TAF4B: variants seen among roughly 807,000 people sequenced by gnomAD.
TAF4B encodes the protein transcription initiation factor TFIID subunit 4B.
TAF4B carries 38 observed loss-of-function variants against 86.4 expected under a neutral mutation model. The ratio of observed to expected loss-of-function variants is 0.44; its 90% CI spans 0.34 to 0.58. The LOEUF (loss-of-function observed/expected upper bound fraction) is 0.58. Ranked by LOEUF, TAF4B falls within the 20% of genes least tolerant of loss-of-function variation. The pLI is 0.02. For synonymous variants in TAF4B, 388 were observed against 391.2 expected, an observed-to-expected ratio of 0.99 and a Z score of 0.10; for missense variants, 988 against 1,027.6, an observed-to-expected ratio of 0.96 and a Z score of 0.53.
At chr18:26,240,024 T>C (rs539970214) in intron 1 of TAF4B, among the ~76,000 whole-genome samples, 32 of 152,362 alleles carry the variant, frequency 2.1e-4, no homozygotes, top group Non-Finnish European at 4.3e-4. Flanking sequence ...GGTAGCGTGA[T>C]GCCTCCAGCT....
intron 13 of TAF4B, among the ~76,000 whole-genome samples, chr18:26,346,349 A>G (rs2057179183): frequency 6.7e-6 from 1 of 148,488 alleles, no homozygotes; most frequent in Admixed American, 6.7e-5. Flanking sequence ...AGAAAGCTAC[A>G]GGATTTATGG....
At chr18:26,389,784 A>T in intron 14 of TAF4B, 61 bp from the exon 15 acceptor site, 1 of 1,552,630 alleles carries the variant, frequency 6.4e-7, no homozygotes, top group Admixed American at 1.8e-5. Flanking sequence ...GCTAGAATTG[A>T]CAGGCTTTCC....
intron 13 of TAF4B, among the ~76,000 whole-genome samples, chr18:26,352,309 A>G (rs1443123790): frequency 6.6e-6 from 1 of 152,024 alleles, no homozygotes; most frequent in African/African-American, 2.4e-5. Flanking sequence ...AGCTAAAGTA[A>G]CAAGATAGGA....
chr18:26,299,974 TTTTA>T (rs973110931), intron 9 of TAF4B, among the ~76,000 whole-genome samples: 15 of 152,018 alleles, frequency 9.9e-5, no homozygotes, highest in Non-Finnish European at 2.1e-4. Context: ...GTCTCTCTCT[TTTTA>T]TTAGTAGGCT....
At chr18:26,364,139 T>G (rs1420799447) in intron 14 of TAF4B, among the ~76,000 whole-genome samples, 3 of 152,176 alleles carry the variant, frequency 2.0e-5, no homozygotes, top group Non-Finnish European at 4.4e-5. Context: ...CCTTTGGAAA[T>G]TTACACTTGA....
At chr18:26,363,419 G>A (rs1025111555) in intron 14 of TAF4B, among the ~76,000 whole-genome samples, 51 of 144,826 alleles carry the variant, frequency 3.5e-4, no homozygotes, top group African/African-American at 1.3e-3. Context: ...GGTGGTGTGC[G>A]CCTGTAGTTC....
chr18:26,292,089 G>A, intron 7 of TAF4B, 157 bp from the exon 8 acceptor site: 1 of 670,500 alleles, frequency 1.5e-6, no homozygotes, highest in South Asian at 3.4e-5. Flanking sequence ...TTTTGAACAA[G>A]ATAATTTTGC....
At chr18:26,243,193 C>G (rs1331637190) in intron 1 of TAF4B, among the ~76,000 whole-genome samples, 1 of 152,138 alleles carries the variant, frequency 6.6e-6, no homozygotes, top group African/African-American at 2.4e-5. Context: ...CAACTTGGTT[C>G]CATTCTCCCC....
At chr18:26,255,122 A>G (rs1430519312) in intron 1 of TAF4B, among the ~76,000 whole-genome samples, 1 of 152,204 alleles carries the variant, frequency 6.6e-6, no homozygotes, top group African/African-American at 2.4e-5. Flanking sequence ...CATACAGTTT[A>G]TCATACAACA....
At chr18:26,355,462 G>T (rs776248024) in intron 13 of TAF4B, among the ~76,000 whole-genome samples, 3 of 152,166 alleles carry the variant, frequency 2.0e-5, no homozygotes, top group Non-Finnish European at 2.9e-5. Flanking sequence ...CTGGTTAAAA[G>T]TACCTGGTTT....
rs1228679486 is a variant in TAF4B, at chr18:26,265,267, G to T, written c.441G>T (p.Arg147Ser). The change falls in exon 2 of 15, where the codon AGG becomes AGT. Residue 147 changes from arginine to serine, a missense_variant. By Grantham distance (110) the Arg-to-Ser change is moderately radical. Transcript: ENST00000269142. The part of the protein sequence containing the change: ...RAETTSNITS[R>S]PAVPANPQTV... ...AGACCACAAGTAACATAACCTCAAGGCCAGCAGTACCAGCGAATCCTCAAA... is the reference window on the plus strand; with the variant it reads ...AGACCACAAGTAACATAACCTCAAGTCCAGCAGTACCAGCGAATCCTCAAA... The T allele has an allele frequency of 6.2e-7, 1 of 1,613,912 alleles. No individual in the cohort carries two copies. Among genetic ancestry groups the T allele is most frequent in the Non-Finnish European group, 8.5e-7 (1 of 1,180,004 alleles).
In TAF4B at chr18:26,248,691, A is replaced by AT. The variant is rs539334302; in HGVS notation, c.344-16464dup. 2.5e-3 allele frequency among the ~76,000 whole-genome samples: 111 copies of AT among 44,662 alleles called. 1 individual carries two copies. Among genetic ancestry groups the AT allele is most frequent in the African/African-American group, 5.5e-3 (61 of 11,034 alleles). 29.3% of individuals were successfully genotyped at this position (44,662 alleles called of 152,430 possible). ...AGGTGTGCCTCACTATGCCCAGCTAATTTTTTTTTTTTTTTGGTACATTTG... is the reference window on the plus strand; with the variant it reads ...AGGTGTGCCTCACTATGCCCAGCTAATTTTTTTTTTTTTTTTGGTACATTTG... On this transcript the variant is annotated intron_variant, in intron 1 of 14. Coordinates refer to ENST00000269142, the MANE Select transcript of TAF4B (RefSeq NM_005640.3).
intron 1 of TAF4B, among the ~76,000 whole-genome samples, chr18:26,229,306 G>T (rs939232232): frequency 6.6e-6 from 1 of 152,170 alleles, no homozygotes; most frequent in Non-Finnish European, 1.5e-5. Flanking sequence ...CGTTATAGAG[G>T]AAGTGGGGAT....
intron 9 of TAF4B, among the ~76,000 whole-genome samples, chr18:26,302,011 C>T (rs2056738690): frequency 6.6e-6 from 1 of 152,228 alleles, no homozygotes; most frequent in Non-Finnish European, 1.5e-5. Context: ...CAAGACCTGG[C>T]TCCCTCGGCA....
At position 26,357,681 on chromosome 18, in the gene TAF4B, G is replaced by T. The variant is rs3786346; in HGVS notation, c.2317-9G>T. The T allele has an allele frequency of 3.2e-6, 5 of 1,586,732 alleles. No individual in the cohort carries two copies. The highest frequency in any genetic ancestry group is 2.2e-5 in the East Asian group (1 of 44,452). On this transcript the variant is annotated splice_polypyrimidine_tract_variant and intron_variant, in intron 13 of 14. Coordinates refer to ENST00000269142, the MANE Select transcript of TAF4B (RefSeq NM_005640.3). ...ATAAACATTGATATTTTTTTCTTCCGTCTTCTAGTTACAGCAATTGGAACT... is the reference window on the plus strand; with the variant it reads ...ATAAACATTGATATTTTTTTCTTCCTTCTTCTAGTTACAGCAATTGGAACT...
At chr18:26,386,612 T>C (rs988001781) in intron 14 of TAF4B, among the ~76,000 whole-genome samples, 1 of 152,210 alleles carries the variant, frequency 6.6e-6, no homozygotes, top group Non-Finnish European at 1.5e-5. Flanking sequence ...CTCCTGACTT[T>C]TTTTTAGCTT....
chr18:26,321,291 A>G (rs1598798311), intron 11 of TAF4B, 91 bp downstream of exon 11: 1 of 1,349,818 alleles, frequency 7.4e-7, no homozygotes, highest in East Asian at 2.4e-5. Flanking sequence ...TTTTTAAAGG[A>G]ATGGTTGAGG....
At chr18:26,267,768 A>C (rs2056261013) in intron 3 of TAF4B, 145 bp downstream of exon 3, 1 of 604,510 alleles carries the variant, frequency 1.7e-6, no homozygotes, top group African/African-American at 1.8e-5. Flanking sequence ...TCAAACTGGG[A>C]ACTGTTGGAG....
chr18:26,315,157 T>TCACACACACACA lies in TAF4B; in HGVS notation c.1833-71_1833-70insACACACACACAC, dbSNP rs1372151453. 8.6e-4 allele frequency: 385 copies of TCACACACACACA among 446,238 alleles called. 4 individuals are homozygous for TCACACACACACA. Among genetic ancestry groups the TCACACACACACA allele is most frequent in the South Asian group, 1.6e-3 (23 of 13,968 alleles). 27.6% of individuals were successfully genotyped at this position (446,238 alleles called of 1,614,324 possible). ...CTCTCTCTCTCTCTGTCTCTCTCTCTCTCTCACACACACACACACACACAC... is the reference window on the plus strand; with the variant it reads ...CTCTCTCTCTCTCTGTCTCTCTCTCTCACACACACACACTCTCACACACACACACACACACAC... On this transcript the variant is annotated intron_variant, in intron 9 of 14. Coordinates refer to ENST00000269142, the MANE Select transcript of TAF4B (RefSeq NM_005640.3).
Sources: allele counts gnomAD v4.1 joint callset (sites outside exome capture counted in the v4.1 genomes callset), GRCh38; gene constraint gnomAD v4.1.1; transcripts MANE v1.5; gene names NCBI Gene and HGNC (gene_info 2026-07-23, HGNC 2026-07-21).